The following KCNC3 variants were observed in gnomAD, a reference collection of about 807,000 sequenced individuals.
KCNC3 encodes potassium voltage-gated channel subfamily C member 3, also known as voltage-gated potassium channel KCNC3.
A neutral mutation model predicts 43.9 loss-of-function variants in KCNC3; 22 were observed. That is an observed-to-expected ratio of 0.50 (90% CI 0.36 to 0.72). KCNC3 has a LOEUF of 0.72. KCNC3 is among the 30% of genes least tolerant of loss of function. The pLI is 0.00. For synonymous variants in KCNC3, 492 were observed against 488.0 expected (o/e 1.01, Z -0.11); for missense variants, 829 against 1,073.8 (o/e 0.77, Z 3.19).
rs1190240933 is a variant in KCNC3 at position 50,314,518 on chromosome 19, G to T, written c.*1597C>A. On this transcript the variant is annotated 3_prime_UTR_variant, in exon 5 of 5. Transcript: ENST00000477616. ...CCAGGTTAGGGAAGGCATGCAGTGT[G>T]TGGGGGGAGGTGCCCCAAGATGTAA... 4 of 252,274 alleles carry T rather than the reference G, an allele frequency of 1.6e-5. No individual in the cohort carries two copies. Among genetic ancestry groups the T allele is most frequent in the Non-Finnish European group, 1.6e-5 (2 of 127,558 alleles). The allele number at this position is 252,274 out of a possible 1,614,324, so 15.6% of individuals were successfully genotyped here. A position where few individuals can be genotyped will look rare whatever the true frequency, so the allele number is the denominator to read the frequency against.
chr19:50,323,542 G>A lies in KCNC3; in HGVS notation c.1411C>T (p.Arg471Cys), dbSNP rs747541815. Residue 471 changes from arginine (R) to cysteine (C), a missense_variant, in exon 2 of 5, where the codon CGC becomes TGC. Arg to Cys is a radical substitution (Grantham distance 180). Around this residue, in one of 7 missense-constraint regions of KCNC3, gnomAD observed 157 missense variants for 293.5 expected, o/e 0.53. Transcript: ENST00000477616. ...IFATMIYYAE[R>C]IGADPDDILG... ...ATGTCATCGGGGTCGGCGCCAATGC[G>A]CTCAGCGTAGTAAATCATGGTGGCG... 3 of 1,614,232 alleles carry A rather than the reference G, an allele frequency of 1.9e-6. No homozygotes were observed. Among genetic ancestry groups the A allele is most frequent in the Non-Finnish European group, 2.5e-6 (3 of 1,180,046 alleles).
In KCNC3 at chr19:50,323,084, C is replaced by T; in HGVS notation, c.1869G>A (p.Leu623=). Reference sequence around the variant, plus strand: ...CCAGCCCACCCGCTCCCCCCCTGAGCAGCCCGGGGTGCGTGTGGGGCCCCG... The same window carrying T: ...CCAGCCCACCCGCTCCCCCCCTGAGTAGCCCGGGGTGCGTGTGGGGCCCCG... ...YPAGPHTHPG[L]LRGGAGGLGI... The change falls in exon 2 of 5, where the codon CTG becomes CTA. Residue 623 remains leucine (L), a synonymous_variant. Coordinates refer to ENST00000477616, the MANE Select transcript of KCNC3 (RefSeq NM_004977.3). 6 of 1,539,748 alleles carry T rather than the reference C, an allele frequency of 3.9e-6. No individual in the cohort carries two copies. The highest frequency in any genetic ancestry group is 5.2e-6 in the Non-Finnish European group (6 of 1,143,734).
At position 50,328,792 on chromosome 19, in the gene KCNC3, C is replaced by T. The variant is rs1166937725; in HGVS notation, c.291G>A (p.Val97=). 1 of 1,560,062 alleles carries T rather than the reference C, an allele frequency of 6.4e-7. No individual in the cohort carries two copies. Among genetic ancestry groups the T allele is most frequent in the East Asian group, 2.4e-5 (1 of 42,058 alleles). ...SGKIVINVGG[V]RHETYRSTLR... Reference sequence around the variant, plus strand: ...GCGTCGAGCGGTACGTCTCATGGCGCACGCCGCCCACGTTGATCACGATCT... The same window carrying T: ...GCGTCGAGCGGTACGTCTCATGGCGTACGCCGCCCACGTTGATCACGATCT... Residue 97 remains valine (V), a synonymous_variant, in exon 1 of 5, where the codon GTG becomes GTA. Coordinates refer to ENST00000477616, the MANE Select transcript of KCNC3 (RefSeq NM_004977.3).
Position 50,329,061 on chromosome 19 carries a change from A to C in KCNC3, c.22T>G (p.Ser8Ala). 7.9e-7 allele frequency: 1 copy of C among 1,265,248 alleles called. No homozygotes were observed. Among genetic ancestry groups the C allele is most frequent in the East Asian group, 3.9e-5 (1 of 25,822 alleles). 78.4% of individuals were successfully genotyped at this position (1,265,248 alleles called of 1,614,324 possible). A position where few individuals can be genotyped will look rare whatever the true frequency, so the allele number is the denominator to read the frequency against. The change falls in exon 1 of 5, where the codon TCG (serine) becomes GCG (alanine). Residue 8 changes from serine (S) to alanine (A), a missense_variant. Ser to Ala is a moderately conservative substitution (Grantham distance 99). Coordinates refer to ENST00000477616, the MANE Select transcript of KCNC3 (RefSeq NM_004977.3). MLSSVCV[S>A]SFRGRQGASK... ...GCCCCCTGGCGCCCGCGGAAGGACG[A>C]GACGCAGACTGAGCTCAGCATTGGA...
rs142937043 is a variant in KCNC3 at position 50,323,873 on chromosome 19, G to C, written c.1080C>G (p.Thr360=). 6.2e-7 allele frequency: 1 copy of C among 1,614,058 alleles called. No individual in the cohort carries two copies. The highest frequency in any genetic ancestry group is 8.5e-7 in the Non-Finnish European group (1 of 1,180,048). The change falls in exon 2 of 5, where the codon ACC becomes ACG. Residue 360 remains threonine, a synonymous_variant. Coordinates refer to ENST00000477616, the MANE Select transcript of KCNC3 (RefSeq NM_004977.3). ...YVEGVCVVWF[T]FEFLMRITFC... is the part of the protein sequence containing the mutation. ...AGGTGATGCGCATGAGGAACTCGAA[G>C]GTGAACCAGACCACGCACACCCCCT...
rs891261002 is a variant in KCNC3, at chr19:50,324,653, C to G, written c.871-571G>C. On this transcript the variant is annotated intron_variant, in intron 1 of 4. Coordinates refer to ENST00000477616, the MANE Select transcript of KCNC3 (RefSeq NM_004977.3). The surrounding 1 kb of genome is among the most constrained non-coding windows in gnomAD (Gnocchi z 4.1). The stretch of plus-strand genomic sequence containing the variant: ...GGGCAAGGAGACTGAGCTTTCTGAA[C>G]CAGAAGTTTGTAGTGGGATTGTTGT... 2.0e-5 allele frequency among the ~76,000 whole-genome samples: 3 copies of G among 152,144 alleles called. No homozygotes were observed. The highest frequency in any genetic ancestry group is 7.2e-5 in the African/African-American group (3 of 41,426).
upstream of KCNC3, among the ~76,000 whole-genome samples, chr19:50,330,005 G>T (rs1000725538): frequency 2.0e-5 from 3 of 152,200 alleles, no homozygotes; most frequent in South Asian, 6.2e-4. Flanking sequence ...AGTGGCTCAC[G>T]CCTGTAACGC....
intron 2 of KCNC3, among the ~76,000 whole-genome samples, chr19:50,322,465 G>A (rs144731271): frequency 2.6e-5 from 4 of 152,076 alleles, no homozygotes; most frequent in Admixed American, 6.5e-5. Flanking sequence ...ACTCTCTGCC[G>A]CTGACCGCCC....
chr19:50,332,407 T>G (rs77911009), upstream of KCNC3, among the ~76,000 whole-genome samples: 497 of 152,106 alleles, frequency 3.3e-3, 5 homozygotes, highest in African/African-American at 0.012. The surrounding 1 kb of genome is among the most constrained non-coding windows in gnomAD (Gnocchi z 5.8). Context: ...TAAGGAGGAA[T>G]GTGCGATGCG....
rs1239716793 is a variant in KCNC3, at chr19:50,324,534, CG to C, written c.871-453del. Among the ~76,000 whole-genome samples, 1 of 151,832 alleles carries C rather than the reference CG, an allele frequency of 6.6e-6. No individual in the cohort carries two copies. The highest frequency in any genetic ancestry group is 1.5e-5 in the Non-Finnish European group (1 of 67,964). ...AGGGCTCAGCTTGGAGCTGGGCAGA[CG>C]GGAAGGGAGAAGGCGGGCAGGGAGG... On this transcript the variant is annotated intron_variant, in intron 1 of 4. Transcript: ENST00000477616. The surrounding 1 kb of genome is among the most constrained non-coding windows in gnomAD (Gnocchi z 4.1).
At chr19:50,321,996 G>A (rs1309726585) in intron 2 of KCNC3, among the ~76,000 whole-genome samples, 1 of 152,060 alleles carries the variant, frequency 6.6e-6, no homozygotes, top group East Asian at 1.9e-4. Context: ...GGAAGGGCTA[G>A]GTTAGGTGAG....
rs756174867 is a variant in KCNC3 at position 50,328,438 on chromosome 19, G to A, written c.645C>T (p.Asn215=). Residue 215 remains asparagine, a synonymous_variant, in exon 1 of 5, where the codon AAC becomes AAT. Transcript: ENST00000477616. ...PDPAGAANAA[N]AAGAHDGGLD... ...GGCCTCCGTCGTGGGCGCCTGCGGC[G>A]TTGGCGGCGTTGGCGGCGCCCGCGG... The A allele has an allele frequency of 6.4e-6, 10 of 1,563,912 alleles. No homozygotes were observed. The East Asian group carries it at 1.9e-4, about 30-fold the overall frequency.
chr19:50,311,959 T>C lies in KCNC3; in HGVS notation c.*4156A>G, dbSNP rs1168857207. 2.6e-5 allele frequency: 4 copies of C among 151,742 alleles called. No individual in the cohort carries two copies. The highest frequency in any genetic ancestry group is 9.7e-5 in the African/African-American group (4 of 41,278). 9.4% of individuals were successfully genotyped at this position (151,742 alleles called of 1,614,324 possible). ...CCATTTTTAAATGAAAAGGAAACGT[T>C]TATTTTGGTGGGGAGTGAGGGTGGG... On this transcript the variant is annotated 3_prime_UTR_variant, in exon 5 of 5. Transcript: ENST00000477616.
At chr19:50,325,796 G>T (rs1293406803) in intron 1 of KCNC3, among the ~76,000 whole-genome samples, 1 of 152,162 alleles carries the variant, frequency 6.6e-6, no homozygotes, top group Non-Finnish European at 1.5e-5. Context: ...AGCCGCAGCG[G>T]CTAGGGGCCG....
chr19:50,323,273 G>A lies in KCNC3; in HGVS notation c.1680C>T (p.Asn560=). Residue 560 remains asparagine (N), a synonymous_variant, in exon 2 of 5, where the codon AAC becomes AAT. Coordinates refer to ENST00000477616, the MANE Select transcript of KCNC3 (RefSeq NM_004977.3). The part of the protein sequence containing the change: ...MAKQKLPKKK[N]KHIPRPPQPG... The stretch of plus-strand genomic sequence containing the variant: ...GTTGCGGGGGCCGGGGGATGTGTTT[G>A]TTCTTCTTCTTGGGCAGCTTCTGCT... The A allele has an allele frequency of 6.2e-7, 1 of 1,607,670 alleles. No individual in the cohort carries two copies. Among genetic ancestry groups the A allele is most frequent in the Non-Finnish European group, 8.5e-7 (1 of 1,179,960 alleles).
intron 4 of KCNC3, among the ~76,000 whole-genome samples, chr19:50,319,479 T>A (rs7251284): frequency 0.46 from 69,299 of 151,826 alleles, 16,229 homozygotes; most frequent in Non-Finnish European, 0.49. Flanking sequence ...CCCTCCACAG[T>A]CTAGTCTCCT....
At chr19:50,331,582 C>G (rs1432315197), upstream of KCNC3, among the ~76,000 whole-genome samples, 1 of 116,180 alleles carries the variant, frequency 8.6e-6, no homozygotes, top group Non-Finnish European at 1.7e-5. Flanking sequence ...CTCCTTCTTC[C>G]CCTTCTCCCC....
At position 50,314,625 on chromosome 19, in the gene KCNC3, T is replaced by G. The variant is rs1481406975; in HGVS notation, c.*1490A>C. 7.4e-5 allele frequency: 24 copies of G among 325,144 alleles called. No individual in the cohort carries two copies. Among genetic ancestry groups the G allele is most frequent in the South Asian group, 2.0e-4 (9 of 44,746 alleles). The allele number at this position is 325,144 out of a possible 1,614,324, so 20.1% of individuals were successfully genotyped here. On this transcript the variant is annotated 3_prime_UTR_variant, in exon 5 of 5. Coordinates refer to ENST00000477616, the MANE Select transcript of KCNC3 (RefSeq NM_004977.3). ...CGTGGAGACCTGAGAAGGCTTTTTT[T>G]GGGGAGGGAAGAGTTGGGGGGACGG...
rs557745154 is a variant in KCNC3, at chr19:50,322,151, CA to C, written c.1978+823del. On this transcript the variant is annotated intron_variant, in intron 2 of 4. Transcript: ENST00000477616. ...TTGACCTACTTAAGGCGGGGCAGTG[CA>C]GGGGGGGGCCACCAGCCTCTCCTTC... Among the ~76,000 whole-genome samples the C allele has an allele frequency of 3.2e-3, 489 of 151,346 alleles. 2 individuals are homozygous for C. Among genetic ancestry groups the C allele is most frequent in the African/African-American group, 9.9e-3 (410 of 41,238 alleles).
Sources: allele counts gnomAD v4.1 joint callset (sites outside exome capture counted in the v4.1 genomes callset), GRCh38; gene constraint gnomAD v4.1.1; regional missense constraint gnomAD v4.1.1; non-coding constraint Gnocchi (gnomAD v3.1); transcripts MANE v1.5; gene names NCBI Gene and HGNC (gene_info 2026-07-23, HGNC 2026-07-21).